MZF1: variants seen among roughly 807,000 people sequenced by gnomAD.
The protein encoded by MZF1 is myeloid zinc finger 1.
In MZF1, 24 loss-of-function variants were observed where a neutral mutation model predicts 28.6. The ratio of observed to expected loss-of-function variants is 0.84; its 90% CI spans 0.61 to 1.18. The LOEUF is 1.18. Ranked by LOEUF, MZF1 falls within the 50% of genes most tolerant of loss-of-function variation. The pLI is 0.00. For missense variants in MZF1, 1,166 were observed against 1,026.4 expected (o/e 1.14, Z -1.86); for synonymous variants, 516 against 432.5 (o/e 1.19, Z -2.40).
At chr19:58,571,752 C>A in intron 1 of MZF1, 1 of 232,260 alleles carries the variant, frequency 4.3e-6, no homozygotes, top group Non-Finnish European at 8.6e-6. Flanking sequence ...CGAGATCATG[C>A]GTCACTGCAG....
At position 58,562,079 on chromosome 19, in the gene MZF1, G is replaced by A. The variant is rs1281212976; in HGVS notation, c.2198C>T (p.Ala733Val). ...KLIQHQRVHSAE is the reference protein window; with the variant it reads ...KLIQHQRVHSVE ...AGTGCGTCCCGGCTGGAGCTACTCG[G>A]CGCTGTGGACGCGCTGGTGCTGAAT... Residue 733 changes from alanine (A) to valine (V), a missense_variant, in exon 6 of 6, where the codon GCC becomes GTC. Physicochemically the swap from Ala to Val is moderately conservative, Grantham distance 64 (BLOSUM62 0). Coordinates refer to ENST00000215057, the MANE Select transcript of MZF1 (RefSeq NM_198055.2). 1.3e-6 allele frequency: 2 copies of A among 1,559,448 alleles called. No homozygotes were observed. Among genetic ancestry groups the A allele is most frequent in the Non-Finnish European group, 1.7e-6 (2 of 1,153,658 alleles).
intron 5 of MZF1, among the ~76,000 whole-genome samples, chr19:58,564,900 G>GTTTTTTTTTTT (rs1253286923): frequency 1.0e-4 from 7 of 69,354 alleles, no homozygotes; most frequent in African/African-American, 5.1e-4. Context: ...ATCCATGTGT[G>GTTTTTTTTTTT]TGTTTTTTTT....
Position 58,563,352 on chromosome 19 carries a change from TG to T in MZF1, c.924del (p.Ser309AlafsTer3). The stretch of plus-strand genomic sequence containing the variant: ...GGGTCCTGTTCACTCCTCAGATCGC[TG>T]GGGAGCAGAAGCGCATGCGCAAAGC... ...EGGFAHALLL[P>X]SDLRSEQDPT... On this transcript the variant is annotated frameshift_variant, in exon 6 of 6. Transcript: ENST00000215057. LOFTEE classifies it low-confidence loss of function (END_TRUNC). The T allele has an allele frequency of 6.2e-7, 1 of 1,608,410 alleles. No homozygotes were observed. The highest frequency in any genetic ancestry group is 8.5e-7 in the Non-Finnish European group (1 of 1,177,628).
Position 58,571,057 on chromosome 19 carries a change from G to A in MZF1, c.333C>T (p.Ser111=). Residue 111 remains serine (S), a synonymous_variant, in exon 2 of 6, where the codon AGC becomes AGT. Transcript: ENST00000215057. ...CTACTAGGGCAGCAGCCTCCTCGGGGCTGCCTGGCCGCTGCCCCTGCACAC... is the reference window on the plus strand; with the variant it reads ...CTACTAGGGCAGCAGCCTCCTCGGGACTGCCTGGCCGCTGCCCCTGCACAC... ...QARVQGQRPG[S]PEEAAALVDG... is the part of the protein sequence containing the mutation. The A allele has an allele frequency of 6.2e-7, 1 of 1,612,800 alleles. No individual in the cohort carries two copies. Among genetic ancestry groups the A allele is most frequent in the Non-Finnish European group, 8.5e-7 (1 of 1,179,746 alleles).
chr19:58,571,274 C>A lies in MZF1; in HGVS notation c.116G>T (p.Gly39Val). The change falls in exon 2 of 6, where the codon GGC becomes GTC. Residue 39 changes from glycine (G) to valine (V), a missense_variant. By Grantham distance (109) the Gly-to-Val change is moderately radical (BLOSUM62 -3). Transcript: ENST00000215057. The stretch of plus-strand genomic sequence containing the variant: ...GAAACGCAGGCGTGCAGCTTCAGGG[C>A]CTGGGTCCCATAAGGCAGCCTCACC... ...EEGEAALWDP[G>V]PEAARLRFRC... 6.2e-7 allele frequency: 1 copy of A among 1,613,562 alleles called. No homozygotes were observed. Among genetic ancestry groups the A allele is most frequent in the Non-Finnish European group, 8.5e-7 (1 of 1,179,744 alleles).
rs1318467552 is a variant in MZF1, at chr19:58,562,600, G to C, written c.1677C>G (p.His559Gln). Residue 559 changes from histidine (H) to glutamine (Q), a missense_variant, in exon 6 of 6, where the codon CAC becomes CAG. Transcript: ENST00000215057. ...GCCGCTCCCCGGTGTGGATGCGCCGGTGCTGCGTCAGGTTGGAGCGCTGCC... is the reference window on the plus strand; with the variant it reads ...GCCGCTCCCCGGTGTGGATGCGCCGCTGCTGCGTCAGGTTGGAGCGCTGCC... ...SFRQRSNLTQ[H>Q]RRIHTGERPF... 7 of 1,583,176 alleles carry C rather than the reference G, an allele frequency of 4.4e-6. No individual in the cohort carries two copies. Among genetic ancestry groups the C allele is most frequent in the Non-Finnish European group, 6.0e-6 (7 of 1,168,490 alleles).
At position 58,564,902 on chromosome 19, in the gene MZF1, G is replaced by GTTTTT. The variant is rs71190056; in HGVS notation, c.773-1403_773-1399dup. Among the ~76,000 whole-genome samples the GTTTTT allele has an allele frequency of 1.8e-3, 76 of 41,980 alleles. 24 individuals carry two copies. Among genetic ancestry groups the GTTTTT allele is most frequent in the East Asian group, 0.014 (10 of 712 alleles). 27.5% of individuals were successfully genotyped at this position (41,980 alleles called of 152,430 possible). On this transcript the variant is annotated intron_variant, in intron 5 of 5. Coordinates refer to ENST00000215057, the MANE Select transcript of MZF1 (RefSeq NM_198055.2). The stretch of plus-strand genomic sequence containing the variant: ...GTGGAGAATAAGCATCCATGTGTGT[G>GTTTTT]TTTTTTTTTTTTTTTTTTTTTTTTT...
Position 58,567,950 on chromosome 19 carries a change from C to T in MZF1, c.772+1327G>A, listed in dbSNP as rs539203806. Among the ~76,000 whole-genome samples the T allele has an allele frequency of 9.2e-5, 14 of 152,200 alleles. 1 individual carries two copies. The South Asian group carries it at 2.7e-3, about 29-fold the overall frequency. On this transcript the variant is annotated intron_variant, in intron 5 of 5. Transcript: ENST00000215057. ...ACTCTTGGAAAGTAAAAATATGCTA[C>T]AAGAGACCAGATGAAGTAGCTCATG...
Position 58,571,365 on chromosome 19 carries a change from G to C in MZF1, c.25C>G (p.Pro9Ala), listed in dbSNP as rs564971103. 5 of 1,614,164 alleles carry C rather than the reference G, an allele frequency of 3.1e-6. No homozygotes were observed. The African/African-American group carries it at 4.0e-5, about 13-fold the overall frequency. MRPAVLGS[P>A]DRAPPEDEGP... ...TCATCTTCTGGGGGTGCTCGGTCTGGGGAGCCCAGCACCGCAGGCCTCATA... is the reference window on the plus strand; with the variant it reads ...TCATCTTCTGGGGGTGCTCGGTCTGCGGAGCCCAGCACCGCAGGCCTCATA... Residue 9 changes from proline (P) to alanine (A), a missense_variant, in exon 2 of 6, where the codon CCA becomes GCA. By Grantham distance (27) the Pro-to-Ala change is conservative. Transcript: ENST00000215057.
At position 58,561,954 on chromosome 19, in the gene MZF1, C is replaced by T; in HGVS notation, c.*118G>A. 9.6e-7 allele frequency: 1 copy of T among 1,044,976 alleles called. No homozygotes were observed. 64.7% of individuals were successfully genotyped at this position (1,044,976 alleles called of 1,614,324 possible). On this transcript the variant is annotated 3_prime_UTR_variant, in exon 6 of 6. Coordinates refer to ENST00000215057, the MANE Select transcript of MZF1 (RefSeq NM_198055.2). Reference sequence around the variant, plus strand: ...CAGTTTCCATCTACTGTTTATTGGACACCTACAGTAGCCAAGCCCTGGGCG... The same window carrying T: ...CAGTTTCCATCTACTGTTTATTGGATACCTACAGTAGCCAAGCCCTGGGCG...
chr19:58,571,007 C>T lies in MZF1; in HGVS notation c.383G>A (p.Gly128Glu). The change falls in exon 2 of 6, where the codon GGA becomes GAA. Residue 128 changes from glycine (G) to glutamate (E), a missense_variant. Coordinates refer to ENST00000215057, the MANE Select transcript of MZF1 (RefSeq NM_198055.2). ...ACACTCACTCACCCATCTCCGGGGT[C>T]CGCCCGGCTCCCGGCGCAGCCCATC... ...LVDGLRREPG[G>E]PRRWVTVQVQ... The T allele has an allele frequency of 6.2e-7, 1 of 1,607,464 alleles. No homozygotes were observed. The highest frequency in any genetic ancestry group is 1.7e-4 in the Middle Eastern group (1 of 6,030).
chr19:58,569,815 T>G (rs920700016), intron 3 of MZF1: 1 of 524,336 alleles, frequency 1.9e-6, no homozygotes, highest in Admixed American at 3.5e-5. Context: ...CTGAGGTTTG[T>G]GCCCCTGTAG....
chr19:58,562,615 G>T lies in MZF1; in HGVS notation c.1662C>A (p.Ser554=). Residue 554 remains serine, a synonymous_variant, in exon 6 of 6, where the codon TCC becomes TCA. Coordinates refer to ENST00000215057, the MANE Select transcript of MZF1 (RefSeq NM_198055.2). ...GGATGCGCCGGTGCTGCGTCAGGTT[G>T]GAGCGCTGCCGGAAGCTCTGGCCGC... is the stretch of plus-strand genomic sequence containing the variant. ...AECGQSFRQR[S]NLTQHRRIHT... 1 of 1,573,400 alleles carries T rather than the reference G, an allele frequency of 6.4e-7. No individual in the cohort carries two copies.
intron 1 of MZF1, chr19:58,572,833 G>T: frequency 3.1e-6 from 1 of 326,826 alleles, no homozygotes; most frequent in Non-Finnish European, 6.2e-6. Context: ...GGTAGGTCCA[G>T]ACGACGCCTA....
In MZF1 at chr19:58,562,880, G is replaced by T. The variant is rs370449872; in HGVS notation, c.1397C>A (p.Pro466Gln). 164 of 1,556,376 alleles carry T rather than the reference G, an allele frequency of 1.1e-4. No individual in the cohort carries two copies. The highest frequency in any genetic ancestry group is 9.1e-4 in the Middle Eastern group (5 of 5,510). The change falls in exon 6 of 6, where the codon CCG (proline) becomes CAG (glutamine). Residue 466 changes from proline to glutamine, a missense_variant. Transcript: ENST00000215057. ...LQHQRIHGDP[P>Q]GPGAKPPAPP... ...GGCCGGGGGCTTAGCGCCAGGGCCC[G>T]GGGGATCGCCGTGGATGCGCTGGTG...
Position 58,562,879 on chromosome 19 carries a change from C to T in MZF1, c.1398G>A (p.Pro466=), listed in dbSNP as rs749292274. Residue 466 remains proline (P), a synonymous_variant, in exon 6 of 6, where the codon CCG becomes CCA. Coordinates refer to ENST00000215057, the MANE Select transcript of MZF1 (RefSeq NM_198055.2). ...GGGCCGGGGGCTTAGCGCCAGGGCC[C>T]GGGGGATCGCCGTGGATGCGCTGGT... ...LQHQRIHGDP[P]GPGAKPPAPP... is the part of the protein sequence containing the mutation. 81 of 1,560,366 alleles carry T rather than the reference C, an allele frequency of 5.2e-5. No homozygotes were observed. The Middle Eastern group carries it at 1.6e-3, about 31-fold the overall frequency.
At chr19:58,563,596 A>G in intron 5 of MZF1, 92 bp from the exon 6 acceptor site, 1 of 1,109,194 alleles carries the variant, frequency 9.0e-7, no homozygotes, top group South Asian at 1.7e-5. Flanking sequence ...AACTACAGGG[A>G]CCTGAAACTG....
Position 58,562,569 on chromosome 19 carries a change from C to G in MZF1, c.1708G>C (p.Ala570Pro), listed in dbSNP as rs1486469107. 2 of 1,597,428 alleles carry G rather than the reference C, an allele frequency of 1.3e-6. No homozygotes were observed. Among genetic ancestry groups the G allele is most frequent in the Non-Finnish European group, 1.7e-6 (2 of 1,174,140 alleles). The change falls in exon 6 of 6, where the codon GCC (alanine) becomes CCC (proline). Residue 570 changes from alanine to proline, a missense_variant. Transcript: ENST00000215057. The stretch of plus-strand genomic sequence containing the variant: ...AAGGCCTTGCCACACTCGGCGCAGG[C>G]GAAGGGCCGCTCCCCGGTGTGGATG... ...RRIHTGERPF[A>P]CAECGKAFRQ...
chr19:58,572,141 C>A (rs1482171615), intron 1 of MZF1, among the ~76,000 whole-genome samples: 10 of 152,172 alleles, frequency 6.6e-5, no homozygotes, highest in African/African-American at 2.4e-4. Flanking sequence ...TCTCCCCCTA[C>A]CCAACGCCAG....
Sources: allele counts gnomAD v4.1 joint callset (sites outside exome capture counted in the v4.1 genomes callset), GRCh38; gene constraint gnomAD v4.1.1; transcripts MANE v1.5; gene names NCBI Gene and HGNC (gene_info 2026-07-23, HGNC 2026-07-21).